Variants in ITGBL1 observed in about 807,000 individuals in gnomAD.
The protein encoded by ITGBL1 is integrin subunit beta like 1.
A neutral mutation model predicts 68.5 loss-of-function variants in ITGBL1; 51 were observed. That is an observed-to-expected ratio of 0.74 (90% CI 0.59 to 0.94). The LOEUF is 0.94. Ranked by LOEUF, ITGBL1 falls within the 40% of genes least tolerant of loss-of-function variation. ITGBL1 has a pLI of 0.00. For synonymous variants in ITGBL1, 209 were observed against 227.3 expected, an observed-to-expected ratio of 0.92 and a Z score of 0.72; for missense variants, 649 against 647.4, an observed-to-expected ratio of 1.00 and a Z score of -0.03.
intron 7 of ITGBL1, among the ~76,000 whole-genome samples, chr13:101,624,239 C>T (rs991605226): frequency 6.6e-6 from 1 of 152,138 alleles, no homozygotes; most frequent in African/African-American, 2.4e-5. Context: ...ATGTTTCTGC[C>T]GGTTTCTTTC....
chr13:101,642,016 T>G (rs1396912454), intron 7 of ITGBL1, among the ~76,000 whole-genome samples: 1 of 152,076 alleles, frequency 6.6e-6, no homozygotes, highest in African/African-American at 2.4e-5. Flanking sequence ...AGTGCCGCAA[T>G]AAACATACGT....
intron 7 of ITGBL1, among the ~76,000 whole-genome samples, chr13:101,604,257 T>C (rs1294835911): frequency 6.6e-6 from 1 of 151,932 alleles, no homozygotes; most frequent in Non-Finnish European, 1.5e-5. Flanking sequence ...TATTGATCTT[T>C]TATAAACTCC....
chr13:101,605,580 A>G (rs1292763747), intron 7 of ITGBL1, among the ~76,000 whole-genome samples: 1 of 151,766 alleles, frequency 6.6e-6, no homozygotes, highest in East Asian at 1.9e-4. Flanking sequence ...GTATATATAC[A>G]CGTATTTAGA....
intron 3 of ITGBL1, among the ~76,000 whole-genome samples, chr13:101,575,051 G>T (rs2050334023): frequency 2.0e-5 from 3 of 152,108 alleles, no homozygotes. Context: ...AGATAAGCAA[G>T]GTTGCTTCCC....
At chr13:101,576,551 C>T (rs1389315998) in intron 4 of ITGBL1, among the ~76,000 whole-genome samples, 1 of 152,178 alleles carries the variant, frequency 6.6e-6, no homozygotes, top group Non-Finnish European at 1.5e-5. Context: ...GCCCTGCGTG[C>T]AGAAATGGTA....
At position 101,565,626 on chromosome 13, in the gene ITGBL1, C is replaced by T. The variant is rs1002097772; in HGVS notation, c.317-2073C>T. Reference sequence around the variant, plus strand: ...ATACAGGTTATGAGAAAAGGGGCCTCGTAGCCAAAGTTTTGCAAATTCTAA... The same window carrying T: ...ATACAGGTTATGAGAAAAGGGGCCTTGTAGCCAAAGTTTTGCAAATTCTAA... On this transcript the variant is annotated intron_variant, in intron 2 of 10. Coordinates refer to ENST00000376180, the MANE Select transcript of ITGBL1 (RefSeq NM_004791.3). Among the ~76,000 whole-genome samples the T allele has an allele frequency of 7.2e-5, 11 of 152,072 alleles. No homozygotes were observed. In the East Asian group the frequency reaches 1.7e-3, roughly 24 times the overall value.
chr13:101,674,587 GTATA>G (rs2033455685), intron 7 of ITGBL1, among the ~76,000 whole-genome samples: 1 of 151,886 alleles, frequency 6.6e-6, no homozygotes, highest in African/African-American at 2.4e-5. Flanking sequence ...CTAATATAGA[GTATA>G]TATGTTGAGA....
intron 7 of ITGBL1, among the ~76,000 whole-genome samples, chr13:101,602,478 C>T (rs528852280): frequency 1.4e-3 from 217 of 152,018 alleles, no homozygotes; most frequent in African/African-American, 5.2e-3. Context: ...GACATTATTA[C>T]CAATTTTGTT....
At chr13:101,496,703 CA>C (rs1244262022) in intron 2 of ITGBL1, among the ~76,000 whole-genome samples, 1 of 152,138 alleles carries the variant, frequency 6.6e-6, no homozygotes, top group African/African-American at 2.4e-5. Flanking sequence ...TAGCGGTAAT[CA>C]CAAATCCACA....
intron 7 of ITGBL1, among the ~76,000 whole-genome samples, chr13:101,673,342 T>C (rs1215312315): frequency 6.6e-6 from 1 of 152,334 alleles, no homozygotes; most frequent in East Asian, 1.9e-4. Context: ...GCCCAATGGG[T>C]AACTTCAACA....
downstream of ITGBL1, chr13:101,718,942 A>T (rs545537254): frequency 6.6e-6 from 1 of 152,244 alleles, no homozygotes; most frequent in African/African-American, 2.4e-5. Context: ...AAGTAAGACC[A>T]TGTACATCCT....
intron 7 of ITGBL1, among the ~76,000 whole-genome samples, chr13:101,606,108 CTCTCTA>C (rs2030834717): frequency 1.5e-5 from 2 of 131,976 alleles, no homozygotes; most frequent in African/African-American, 5.5e-5. Flanking sequence ...TGCTCTCTCT[CTCTCTA>C]TATATATATA....
intron 7 of ITGBL1, among the ~76,000 whole-genome samples, chr13:101,603,789 C>T (rs1226829383): frequency 4.0e-5 from 6 of 151,816 alleles, no homozygotes; most frequent in Admixed American, 6.6e-5. Flanking sequence ...ATGACTTCAT[C>T]TCAAAAATAG....
chr13:101,604,853 T>TAC (rs2030602559), intron 7 of ITGBL1, among the ~76,000 whole-genome samples: 1 of 12,356 alleles, frequency 8.1e-5, no homozygotes, highest in African/African-American at 1.9e-4. Flanking sequence ...GCAATATATA[T>TAC]ATATATATAT....
chr13:101,480,567 A>G (rs2048604557), intron 2 of ITGBL1, among the ~76,000 whole-genome samples: 1 of 152,030 alleles, frequency 6.6e-6, no homozygotes, highest in Admixed American at 6.6e-5. Flanking sequence ...GCTTGAGGAG[A>G]TAAATACCCC....
intron 2 of ITGBL1, among the ~76,000 whole-genome samples, chr13:101,467,336 G>T (rs1288851406): frequency 6.6e-6 from 1 of 152,172 alleles, no homozygotes; most frequent in Non-Finnish European, 1.5e-5. Context: ...AGATTTAAAG[G>T]CAAGAGTCAC....
In ITGBL1 at chr13:101,596,604, G is replaced by A. The variant is rs1292593735; in HGVS notation, c.869-1549G>A. Among the ~76,000 whole-genome samples the A allele has an allele frequency of 2.0e-5, 3 of 152,120 alleles. No homozygotes were observed. The East Asian group carries it at 5.8e-4, about 29-fold the overall frequency. On this transcript the variant is annotated intron_variant, in intron 6 of 10. Coordinates refer to ENST00000376180, the MANE Select transcript of ITGBL1 (RefSeq NM_004791.3). ...TCAATAAATCTTGGGGAAGAAAAGAGCGACCTCTTCTGAATTCTAGATTTC... is the reference window on the plus strand; with the variant it reads ...TCAATAAATCTTGGGGAAGAAAAGAACGACCTCTTCTGAATTCTAGATTTC...
intron 2 of ITGBL1, among the ~76,000 whole-genome samples, chr13:101,478,612 C>T (rs1311212817): frequency 6.6e-6 from 1 of 151,932 alleles, no homozygotes; most frequent in Non-Finnish European, 1.5e-5. Context: ...ACTATTAGAA[C>T]TGATAAATTC....
chr13:101,575,983 CT>C (rs1433847509), intron 4 of ITGBL1, among the ~76,000 whole-genome samples: 2 of 152,182 alleles, frequency 1.3e-5, no homozygotes, highest in African/African-American at 2.4e-5. Context: ...TTACCTCCCC[CT>C]CTCTGTCCCT....
Sources: gnomAD v4.1 joint callset for allele counts (sites outside exome capture counted in the v4.1 genomes callset) on GRCh38, gnomAD v4.1.1 for gene constraint, MANE v1.5 for transcripts, NCBI Gene and HGNC (gene_info 2026-07-23, HGNC 2026-07-21) for gene names.